The following PACS1 variants were observed in gnomAD, a reference collection of about 807,000 sequenced individuals.
The protein encoded by PACS1 is phosphofurin acidic cluster sorting protein 1.
Under a neutral mutation model 115.0 loss-of-function variants are expected in PACS1, and 24 were observed. That is an observed-to-expected ratio of 0.21 (90% CI 0.15 to 0.29). The LOEUF (loss-of-function observed/expected upper bound fraction) is 0.29. Among genes scored for constraint, PACS1 ranks in the 10% least tolerant of loss-of-function variants. The pLI is 1.00. For synonymous variants in PACS1, 453 were observed against 504.5 expected, an observed-to-expected ratio of 0.90 and a Z score of 1.37; for missense variants, 838 against 1,251.2, an observed-to-expected ratio of 0.67 and a Z score of 4.98.
intron 2 of PACS1, among the ~76,000 whole-genome samples, chr11:66,201,124 CAGG>C (rs1273826543): frequency 6.6e-6 from 1 of 151,790 alleles, no homozygotes; most frequent in African/African-American, 2.4e-5. Flanking sequence ...GAGGCTGAGG[CAGG>C]AGAATTGCTT....
intron 21 of PACS1, among the ~76,000 whole-genome samples, chr11:66,239,980 C>G (rs962948735): frequency 1.3e-5 from 2 of 152,254 alleles, no homozygotes; most frequent in African/African-American, 2.4e-5. Context: ...CACGTAGTGA[C>G]GTGGATTGGG....
chr11:66,111,294 T>C (rs1470835986), intron 1 of PACS1, among the ~76,000 whole-genome samples: 1 of 152,204 alleles, frequency 6.6e-6, no homozygotes, highest in Non-Finnish European at 1.5e-5. Flanking sequence ...ACCCCTGTTG[T>C]ATATGTGGTT....
Position 66,235,402 on chromosome 11 carries a change from T to C in PACS1, c.2206T>C (p.Phe736Leu), listed in dbSNP as rs1411202366. The C allele has an allele frequency of 6.2e-7, 1 of 1,610,880 alleles. No individual in the cohort carries two copies. Among genetic ancestry groups the C allele is most frequent in the Non-Finnish European group, 8.5e-7 (1 of 1,177,118 alleles). The change falls in exon 18 of 24, where the codon TTC becomes CTC. Residue 736 changes from phenylalanine (F) to leucine (L), a missense_variant and splice_region_variant. Phe to Leu is a conservative substitution (Grantham distance 22, BLOSUM62 0). This residue lies in a region of PACS1 where 383 missense variants were observed against 537.0 expected (regional missense o/e 0.71). Coordinates refer to ENST00000320580, the MANE Select transcript of PACS1 (RefSeq NM_018026.4). The surrounding 1 kb of genome is among the most constrained non-coding windows in gnomAD (Gnocchi z 5.6). ...AEAMLTCRHKFPDEDSYQKFI... is the reference protein window; with the variant it reads ...AEAMLTCRHKLPDEDSYQKFI... ...AGCCATGCTGACTTGCCGGCATAAG[T>C]TGTAAGTTTGACTTTGAGGGGTTTC...
At chr11:66,220,419 C>T (rs559594484) in intron 8 of PACS1, 3 of 567,786 alleles carry the variant, frequency 5.3e-6, no homozygotes, top group South Asian at 2.1e-5. Flanking sequence ...CAGTGTGGAG[C>T]GGTGGCAGGA....
intron 1 of PACS1, among the ~76,000 whole-genome samples, chr11:66,128,619 C>A (rs1375799676): frequency 6.6e-6 from 1 of 152,166 alleles, no homozygotes; most frequent in Non-Finnish European, 1.5e-5. Flanking sequence ...CACAGTGGCT[C>A]ATGCCTGTAA....
At chr11:66,178,331 A>G (rs1859921218) in intron 1 of PACS1, among the ~76,000 whole-genome samples, 1 of 152,108 alleles carries the variant, frequency 6.6e-6, no homozygotes, top group Non-Finnish European at 1.5e-5. Flanking sequence ...TTTGAGCTTC[A>G]TGTACATGGA....
Position 66,233,887 on chromosome 11 carries a change from C to A in PACS1, c.1941C>A (p.Ala647=). ...TCAGGTTCTTTGTCAAGTCCCTGGC[C>A]AACAAGACCTCCGACTGGCTTGGCT... ...SILRFFVKSL[A]NKTSDWLGYM... The change falls in exon 16 of 24, where the codon GCC becomes GCA. Residue 647 remains alanine (A), a synonymous_variant. Transcript: ENST00000320580. This position sits in a 1 kb window ranked among gnomAD's most constrained non-coding sequence, Gnocchi z 4.5. 1 of 1,599,666 alleles carries A rather than the reference C, an allele frequency of 6.3e-7. No individual in the cohort carries two copies. The highest frequency in any genetic ancestry group is 1.1e-5 in the South Asian group (1 of 89,030).
At chr11:66,126,494 T>A (rs1242783853) in intron 1 of PACS1, among the ~76,000 whole-genome samples, 2 of 152,192 alleles carry the variant, frequency 1.3e-5, no homozygotes, top group African/African-American at 4.8e-5. Flanking sequence ...GTGTTAGCCA[T>A]TAGAAAATGA....
chr11:66,160,508 C>T lies in PACS1; in HGVS notation c.357-32978C>T, dbSNP rs147411747. Among the ~76,000 whole-genome samples the T allele has an allele frequency of 4.8e-3, 730 of 151,716 alleles. 7 individuals carry two copies. Among genetic ancestry groups the T allele is most frequent in the African/African-American group, 0.015 (601 of 41,288 alleles). On this transcript the variant is annotated intron_variant, in intron 1 of 23. Coordinates refer to ENST00000320580, the MANE Select transcript of PACS1 (RefSeq NM_018026.4). ...AGGAAATGTGGGATATATAGAAAAG[C>T]TTATTTTTTTTTGAGATGAGGTCCC... is the stretch of plus-strand genomic sequence containing the variant.
At chr11:66,175,577 C>A (rs189073088) in intron 1 of PACS1, among the ~76,000 whole-genome samples, 33 of 152,296 alleles carry the variant, frequency 2.2e-4, no homozygotes, top group African/African-American at 7.9e-4. Flanking sequence ...CACTTTGCTA[C>A]GTTTTGTGTA....
At chr11:66,241,327 C>A in intron 21 of PACS1, 100 bp from the exon 22 acceptor site, 2 of 838,576 alleles carry the variant, frequency 2.4e-6, no homozygotes, top group Non-Finnish European at 3.7e-6. Flanking sequence ...CCTTCCTCAG[C>A]CTGCCCTCCC....
intron 1 of PACS1, among the ~76,000 whole-genome samples, chr11:66,090,005 C>CAAAAAAAAAAAAA (rs33912143): frequency 1.2e-5 from 1 of 80,596 alleles, no homozygotes; most frequent in African/African-American, 5.1e-5. Flanking sequence ...GACTCCATCT[C>CAAAAAAAAAAAAA]AAAAAAAAAA....
At chr11:66,193,453 A>G in intron 1 of PACS1, 33 bp from the exon 2 acceptor site, 2 of 1,466,466 alleles carry the variant, frequency 1.4e-6, no homozygotes, top group Non-Finnish European at 1.9e-6. Context: ...AGTTCCTCGC[A>G]TATGACAGCA....
At chr11:66,159,362 G>C (rs1217551171) in intron 1 of PACS1, among the ~76,000 whole-genome samples, 2 of 152,244 alleles carry the variant, frequency 1.3e-5, no homozygotes, top group Non-Finnish European at 2.9e-5. Context: ...ACTTGAACCC[G>C]GGAGACGGAG....
At chr11:66,075,474 T>C (rs555731342) in intron 1 of PACS1, among the ~76,000 whole-genome samples, 58 of 152,276 alleles carry the variant, frequency 3.8e-4, no homozygotes, top group African/African-American at 1.3e-3. Flanking sequence ...ACTCCTGGGC[T>C]CAAGTGATCC....
intron 2 of PACS1, among the ~76,000 whole-genome samples, chr11:66,207,792 C>T (rs953516709): frequency 2.6e-5 from 4 of 151,868 alleles, no homozygotes; most frequent in Middle Eastern, 3.4e-3. Flanking sequence ...TTTTTTGAGA[C>T]GGAGTCTCGC....
rs1854803118 is a variant in PACS1, at chr11:66,201,721, G to A, written c.444+8148G>A. Among the ~76,000 whole-genome samples, 5 of 149,966 alleles carry A rather than the reference G, an allele frequency of 3.3e-5. No individual in the cohort carries two copies. The Admixed American group carries it at 3.4e-4, about 10-fold the overall frequency. ...GTTGCCCATGCTGGAGTACAGTGGTGCAATCTCAGCTCATTGCAACCTCTG... is the reference window on the plus strand; with the variant it reads ...GTTGCCCATGCTGGAGTACAGTGGTACAATCTCAGCTCATTGCAACCTCTG... On this transcript the variant is annotated intron_variant, in intron 2 of 23. Coordinates refer to ENST00000320580, the MANE Select transcript of PACS1 (RefSeq NM_018026.4).
At chr11:66,159,225 G>GT (rs1261470319) in intron 1 of PACS1, among the ~76,000 whole-genome samples, 1 of 152,160 alleles carries the variant, frequency 6.6e-6, no homozygotes, top group African/African-American at 2.4e-5. Flanking sequence ...ATCACCTGAA[G>GT]TCGGGAGTTC....
intron 1 of PACS1, among the ~76,000 whole-genome samples, chr11:66,078,699 A>G (rs1193029985): frequency 6.6e-6 from 1 of 152,080 alleles, no homozygotes; most frequent in African/African-American, 2.4e-5. Context: ...AACCACAGGC[A>G]CATGCCAACA....
Sources: allele counts gnomAD v4.1 joint callset (sites outside exome capture counted in the v4.1 genomes callset), GRCh38; gene constraint gnomAD v4.1.1; regional missense constraint gnomAD v4.1.1; non-coding constraint Gnocchi (gnomAD v3.1); transcripts MANE v1.5; gene names NCBI Gene and HGNC (gene_info 2026-07-23, HGNC 2026-07-21).